The following ENTPD1 variants were observed in gnomAD, a reference collection of about 807,000 sequenced individuals.
ENTPD1 encodes the protein ATP diphosphohydrolase.
ENTPD1 carries 33 observed loss-of-function variants against 57.0 expected under a neutral mutation model. That is an observed-to-expected ratio of 0.58 (90% CI 0.44 to 0.77). The LOEUF is 0.77. Ranked by LOEUF, ENTPD1 falls within the 30% of genes least tolerant of loss-of-function variation. ENTPD1 has a pLI of 0.00. For missense variants in ENTPD1, 501 were observed against 603.4 expected (o/e 0.83, Z 1.78); for synonymous variants, 202 against 218.8 (o/e 0.92, Z 0.68).
At chr10:95,786,062 TTATCTGAGGGCCTCA>T (rs1283668345) in intron 1 of ENTPD1, among the ~76,000 whole-genome samples, 1 of 152,184 alleles carries the variant, frequency 6.6e-6, no homozygotes, top group East Asian at 1.9e-4. Context: ...AGAGAGGTGT[TTATCTGAGGGCCTCA>T]TATCTGAGCC....
In ENTPD1 at chr10:95,872,871, C is replaced by G; in HGVS notation, c.*6488C>G. ...GTTCCCTGATGAAGCTTTTATTCCC[C>G]TAGCCACATGGAACTTTTCCTTTTT... is the stretch of plus-strand genomic sequence containing the variant. On this transcript the variant is annotated 3_prime_UTR_variant, in exon 10 of 10. Coordinates refer to ENST00000371205, the MANE Select transcript of ENTPD1 (RefSeq NM_001776.6). The G allele has an allele frequency of 1.0e-6, 1 of 985,434 alleles. No individual in the cohort carries two copies. 61.0% of individuals were successfully genotyped at this position (985,434 alleles called of 1,614,324 possible).
rs1377110945 is a variant in ENTPD1 at position 95,791,208 on chromosome 10, C to T, written c.17-32029C>T. ...TTTAAACAGTGTTAATGTTTAGTTT[C>T]CAGGTGAAGGGCTATAATAACTTCA... On this transcript the variant is annotated intron_variant, in intron 1 of 9. Coordinates refer to ENST00000371205, the MANE Select transcript of ENTPD1 (RefSeq NM_001776.6). This position sits in a 1 kb window ranked among gnomAD's most constrained non-coding sequence, Gnocchi z 4.1. 6.6e-6 allele frequency among the ~76,000 whole-genome samples: 1 copy of T among 152,110 alleles called. No homozygotes were observed. Among genetic ancestry groups the T allele is most frequent in the African/African-American group, 2.4e-5 (1 of 41,426 alleles).
chr10:95,814,159 A>T (rs751130993), intron 1 of ENTPD1, among the ~76,000 whole-genome samples: 2 of 152,160 alleles, frequency 1.3e-5, no homozygotes, highest in Non-Finnish European at 2.9e-5. Flanking sequence ...CAGTGACATC[A>T]CTTTGCCGGA....
At chr10:95,729,763 A>C (rs1409142743) in intron 1 of ENTPD1, among the ~76,000 whole-genome samples, 1 of 152,192 alleles carries the variant, frequency 6.6e-6, no homozygotes, top group African/African-American at 2.4e-5. Flanking sequence ...TGGTACATTT[A>C]AAAACAATCT....
chr10:95,716,467 TA>T (rs1380893318), intron 1 of ENTPD1, among the ~76,000 whole-genome samples: 1 of 152,194 alleles, frequency 6.6e-6, no homozygotes, highest in African/African-American at 2.4e-5. Flanking sequence ...GGTAAGACTT[TA>T]AAAGGCATTT....
intron 1 of ENTPD1, among the ~76,000 whole-genome samples, chr10:95,795,504 A>AT (rs543519243): frequency 6.6e-6 from 1 of 152,194 alleles, no homozygotes; most frequent in Non-Finnish European, 1.5e-5. Context: ...TCAATAATAC[A>AT]TATGTCTGGA....
intron 7 of ENTPD1, among the ~76,000 whole-genome samples, chr10:95,852,405 C>T (rs112904079): frequency 6.6e-6 from 1 of 152,232 alleles, no homozygotes; most frequent in South Asian, 2.1e-4. Flanking sequence ...ATGGTAGTTT[C>T]TTTTGCTGTG....
the ENTPD1 span, among the ~76,000 whole-genome samples, chr10:95,695,438 C>T: frequency 0.84 from 127,884 of 152,176 alleles, 54,293 homozygotes; most frequent in Non-Finnish European, 0.91. Context: ...ATCTGGTCAA[C>T]ACCTCCCTTT....
chr10:95,860,592 T>G lies in ENTPD1; in HGVS notation c.1188+10T>G. On this transcript the variant is annotated intron_variant, in intron 8 of 9. Transcript: ENST00000371205. ...TCAGCCTTGGGAGGAGGTAAGTGAC[T>G]AGGCACAGCAGCTCTAACAGCATGA... is the stretch of plus-strand genomic sequence containing the variant. 1.2e-6 allele frequency: 2 copies of G among 1,609,384 alleles called. No homozygotes were observed. Among genetic ancestry groups the G allele is most frequent in the Non-Finnish European group, 1.7e-6 (2 of 1,175,964 alleles).
intron 7 of ENTPD1, among the ~76,000 whole-genome samples, chr10:95,857,280 GTTGT>G (rs1245297689): frequency 6.6e-6 from 1 of 152,116 alleles, no homozygotes; most frequent in Non-Finnish European, 1.5e-5. Flanking sequence ...ATAGAAATTT[GTTGT>G]TTGTTGATCT....
intron 1 of ENTPD1, among the ~76,000 whole-genome samples, chr10:95,777,004 CTG>C (rs1238919310): frequency 1.3e-5 from 2 of 152,180 alleles, no homozygotes; most frequent in Non-Finnish European, 2.9e-5. Context: ...GTTCTCTACA[CTG>C]TTTATTCTAG....
At chr10:95,752,549 C>T (rs938525883), upstream of ENTPD1, among the ~76,000 whole-genome samples, 6 of 151,944 alleles carry the variant, frequency 3.9e-5, no homozygotes, top group Admixed American at 3.3e-4. Flanking sequence ...CCCAGCTACT[C>T]GGGAGGCTGA....
intron 1 of ENTPD1, 70 bp from the exon 2 acceptor site, chr10:95,823,167 A>G (rs2140557906): frequency 6.2e-7 from 1 of 1,601,696 alleles, no homozygotes; most frequent in East Asian, 2.2e-5. Flanking sequence ...ACAAGACCAG[A>G]CAGAAAGGGG....
chr10:95,857,097 A>T (rs564524749), intron 7 of ENTPD1, among the ~76,000 whole-genome samples: 1 of 152,274 alleles, frequency 6.6e-6, no homozygotes, highest in Non-Finnish European at 1.5e-5. Context: ...AGAAATAAAT[A>T]AGAGCAAGAT....
chr10:95,870,391 GCTACAGGTGTGCACCTAAGTAGCTAGGA>G lies in ENTPD1; in HGVS notation c.*4024_*4051del, dbSNP rs1186164424. On this transcript the variant is annotated 3_prime_UTR_variant, in exon 10 of 10. Transcript: ENST00000371205. ...CCTCGACCTCCCAAGCTCAAGCAAG[GCTACAGGTGTGCACCTAAGTAGCTAGGA>G]CTACAGGTGTGCACCACCATGTCTA... 7.8e-5 allele frequency: 62 copies of G among 791,394 alleles called. No homozygotes were observed. Among genetic ancestry groups the G allele is most frequent in the Non-Finnish European group, 8.6e-5 (56 of 653,114 alleles). The allele number at this position is 791,394 out of a possible 1,614,324, so 49.0% of individuals were successfully genotyped here.
At chr10:95,809,485 G>A (rs1454547982) in intron 1 of ENTPD1, among the ~76,000 whole-genome samples, 33 of 147,420 alleles carry the variant, frequency 2.2e-4, no homozygotes, top group African/African-American at 5.8e-4. Context: ...CGGGGCGGCC[G>A]GGCAGAGGCA....
At chr10:95,815,138 G>A (rs1355598511) in intron 1 of ENTPD1, among the ~76,000 whole-genome samples, 1 of 152,198 alleles carries the variant, frequency 6.6e-6, no homozygotes, top group African/African-American at 2.4e-5. Context: ...GGAGAAATAT[G>A]GGGTTGGGGT....
chr10:95,709,890 G>C (rs1454215055), upstream of ENTPD1, among the ~76,000 whole-genome samples: 1 of 149,248 alleles, frequency 6.7e-6, no homozygotes, highest in Admixed American at 6.7e-5. Context: ...CTTAGCCCCG[G>C]CCCCCCCCAC....
intron 1 of ENTPD1, among the ~76,000 whole-genome samples, chr10:95,726,309 A>G (rs1232506722): frequency 6.6e-6 from 1 of 152,214 alleles, no homozygotes; most frequent in Non-Finnish European, 1.5e-5. Context: ...CTTTCATCAA[A>G]TATAATTTTA....
Sources: gnomAD v4.1 joint callset for allele counts (sites outside exome capture counted in the v4.1 genomes callset) on GRCh38, gnomAD v4.1.1 for gene constraint, Gnocchi (gnomAD v3.1) non-coding constraint, MANE v1.5 for transcripts, NCBI Gene and HGNC (gene_info 2026-07-23, HGNC 2026-07-21) for gene names.